ATP8A2: variants seen among roughly 807,000 people sequenced by gnomAD.
The protein encoded by ATP8A2 is phospholipid-transporting ATPase IB.
ATP8A2 carries 100 observed loss-of-function variants against 165.6 expected under a neutral mutation model. That is an observed-to-expected ratio of 0.60 (90% confidence interval 0.51 to 0.71). The LOEUF (loss-of-function observed/expected upper bound fraction) is 0.71, where lower values mean the gene tolerates loss of function less well. Ranked by LOEUF, ATP8A2 falls within the 30% of genes least tolerant of loss-of-function variation. The probability of loss-of-function intolerance (pLI) is 0.00; values close to 1 mark genes in which losing one functional copy is unlikely to be tolerated. For synonymous variants in ATP8A2, 543 were observed against 548.8 expected, an observed-to-expected ratio of 0.99 and a Z score of 0.15; for missense variants, 1,227 against 1,479.5, an observed-to-expected ratio of 0.83 and a Z score of 2.80.
intron 1 of ATP8A2, among the ~76,000 whole-genome samples, chr13:25,412,673 A>G (rs979163151): frequency 6.6e-6 from 1 of 152,176 alleles, no homozygotes; most frequent in African/African-American, 2.4e-5. Flanking sequence ...TATAATGGTA[A>G]AAAGGAGGTA....
chr13:25,853,396 A>ATATATATATATATATATAT (rs59573616), intron 30 of ATP8A2, among the ~76,000 whole-genome samples: 68 of 107,822 alleles, frequency 6.3e-4, no homozygotes, highest in South Asian at 8.7e-4. Flanking sequence ...ATCTAAAAAA[A>ATATATATATATATATATAT]ATATATATAT....
chr13:25,561,995 C>T (rs1023168960), intron 15 of ATP8A2, among the ~76,000 whole-genome samples: 2 of 152,210 alleles, frequency 1.3e-5, no homozygotes, highest in Non-Finnish European at 2.9e-5. Flanking sequence ...CATGTATATG[C>T]CACATTTTGT....
chr13:25,790,706 A>G (rs926647649), intron 27 of ATP8A2, among the ~76,000 whole-genome samples: 1 of 151,982 alleles, frequency 6.6e-6, no homozygotes, highest in Non-Finnish European at 1.5e-5. Context: ...AAAAAAAAAA[A>G]AAATAAGCAA....
chr13:25,666,641 G>A (rs1452424083), intron 24 of ATP8A2, among the ~76,000 whole-genome samples: 1 of 152,188 alleles, frequency 6.6e-6, no homozygotes, highest in African/African-American at 2.4e-5. Context: ...GGGGCTAAAT[G>A]TGGGTATTTT....
intron 24 of ATP8A2, among the ~76,000 whole-genome samples, chr13:25,603,621 G>A (rs181151190): frequency 5.0e-4 from 76 of 152,204 alleles, no homozygotes; most frequent in African/African-American, 1.3e-3. Flanking sequence ...GTGTTGGAGT[G>A]GAGGTTGTGG....
chr13:25,726,329 G>C (rs1312845901), intron 25 of ATP8A2, among the ~76,000 whole-genome samples: 1 of 152,278 alleles, frequency 6.6e-6, no homozygotes, highest in African/African-American at 2.4e-5. Context: ...GGCAAGTGAA[G>C]GGCACCTGGA....
At chr13:25,930,585 A>G (rs1954744220) in intron 33 of ATP8A2, among the ~76,000 whole-genome samples, 1 of 152,222 alleles carries the variant, frequency 6.6e-6, no homozygotes, top group African/African-American at 2.4e-5. Flanking sequence ...TATGACAAGA[A>G]TGTTAATTGT....
Position 25,757,370 on chromosome 13 carries a change from C to A in ATP8A2, c.2385-11676C>A, listed in dbSNP as rs1319104262. 2.6e-5 allele frequency among the ~76,000 whole-genome samples: 4 copies of A among 152,194 alleles called. No individual in the cohort carries two copies. In the East Asian group the frequency reaches 7.7e-4, roughly 29 times the overall value. On this transcript the variant is annotated intron_variant, in intron 25 of 36. Coordinates refer to ENST00000381655, the MANE Select transcript of ATP8A2 (RefSeq NM_016529.6). Reference sequence around the variant, plus strand: ...CCTAGCATGCACTTGCCACTGTGCCCTGGAAGCTGAGTCACTCTCATCTAA... The same window carrying A: ...CCTAGCATGCACTTGCCACTGTGCCATGGAAGCTGAGTCACTCTCATCTAA...
chr13:25,788,997 G>A (rs189653710), intron 27 of ATP8A2, among the ~76,000 whole-genome samples: 2 of 152,262 alleles, frequency 1.3e-5, no homozygotes, highest in Admixed American at 1.3e-4. Context: ...TGATGTACTT[G>A]TTTCTTTAAA....
chr13:25,817,365 A>G (rs1042659652), intron 27 of ATP8A2, among the ~76,000 whole-genome samples: 4 of 140,122 alleles, frequency 2.9e-5, no homozygotes, highest in Non-Finnish European at 4.6e-5. Context: ...GGGGGGGGAA[A>G]CACGATTTTG....
chr13:25,840,783 A>T (rs1428915783), intron 30 of ATP8A2, among the ~76,000 whole-genome samples: 1 of 152,192 alleles, frequency 6.6e-6, no homozygotes, highest in Non-Finnish European at 1.5e-5. Flanking sequence ...TGACAGACTC[A>T]GCCATCATTG....
chr13:26,005,817 G>A (rs994349442), intron 35 of ATP8A2, among the ~76,000 whole-genome samples: 4 of 151,980 alleles, frequency 2.6e-5, no homozygotes, highest in Admixed American at 2.6e-4. Context: ...AAAATTAAGT[G>A]ACCATTGATG....
intron 18 of ATP8A2, among the ~76,000 whole-genome samples, chr13:25,572,869 C>T (rs1305978711): frequency 1.3e-5 from 2 of 152,162 alleles, no homozygotes; most frequent in Non-Finnish European, 2.9e-5. Context: ...TGGTTCCTGA[C>T]TTGGGAGTAC....
intron 24 of ATP8A2, among the ~76,000 whole-genome samples, chr13:25,682,278 C>T (rs1009071255): frequency 1.5e-4 from 23 of 152,022 alleles, no homozygotes; most frequent in Non-Finnish European, 4.4e-5. Flanking sequence ...TTAATCGGAT[C>T]GTGCCTCCCC....
chr13:25,513,687 G>C (rs1004215646), intron 2 of ATP8A2, among the ~76,000 whole-genome samples: 3 of 152,014 alleles, frequency 2.0e-5, no homozygotes, highest in Non-Finnish European at 4.4e-5. Context: ...GAGTGAACCA[G>C]ACTCCGTCTG....
At chr13:25,567,488 G>A (rs2039350105) in intron 16 of ATP8A2, 1 of 435,622 alleles carries the variant, frequency 2.3e-6, no homozygotes, top group African/African-American at 2.0e-5. Context: ...GAAAGCCATT[G>A]AGAGTAGGGA....
At chr13:25,499,776 A>G (rs2036793483) in intron 2 of ATP8A2, among the ~76,000 whole-genome samples, 1 of 149,376 alleles carries the variant, frequency 6.7e-6, no homozygotes. Flanking sequence ...CAGTAAACAC[A>G]AGAACTAGAT....
intron 27 of ATP8A2, among the ~76,000 whole-genome samples, chr13:25,801,915 G>A (rs1347690201): frequency 2.0e-5 from 3 of 152,058 alleles, no homozygotes; most frequent in Non-Finnish European, 2.9e-5. Flanking sequence ...AGTGGGGGCA[G>A]AAAGCCACTT....
intron 2 of ATP8A2, among the ~76,000 whole-genome samples, chr13:25,492,199 G>A (rs974663141): frequency 1.3e-5 from 2 of 152,056 alleles, no homozygotes; most frequent in African/African-American, 2.4e-5. Flanking sequence ...TGGGTTTACC[G>A]GCACCTGCCA....
Sources: allele counts gnomAD v4.1 joint callset (sites outside exome capture counted in the v4.1 genomes callset), GRCh38; gene constraint gnomAD v4.1.1; transcripts MANE v1.5; gene names NCBI Gene and HGNC (gene_info 2026-07-23, HGNC 2026-07-21).